Variants in CLEC12B observed in about 807,000 individuals in gnomAD.
CLEC12B encodes the protein macrophage antigen h.
CLEC12B carries 25 observed loss-of-function variants against 36.1 expected under a neutral mutation model. The ratio of observed to expected loss-of-function variants is 0.69; its 90% CI spans 0.50 to 0.97. The LOEUF is 0.97. Among genes scored for constraint, CLEC12B ranks in the 50% least tolerant of loss-of-function variants. The pLI is 0.00. For synonymous variants in CLEC12B, 110 were observed against 108.5 expected, an observed-to-expected ratio of 1.01 and a Z score of -0.09; for missense variants, 325 against 318.4, an observed-to-expected ratio of 1.02 and a Z score of -0.16.
rs1157458499 is a variant in CLEC12B, at chr12:10,014,522, G to A, written c.191-1G>A. ...AACTTGTCTCCTGTCATGTCTTGGA[G>A]TTTTGCAGATATCTAATGACATTAA... On this transcript the variant is annotated splice_acceptor_variant, in intron 2 of 5. Transcript: ENST00000338896. LOFTEE classifies it high-confidence loss of function. 6.2e-7 allele frequency: 1 copy of A among 1,609,310 alleles called. No homozygotes were observed. Among genetic ancestry groups the A allele is most frequent in the Admixed American group, 1.7e-5 (1 of 59,904 alleles).
At chr12:10,007,901 G>A (rs1865249977), upstream of CLEC12B, among the ~76,000 whole-genome samples, 1 of 152,214 alleles carries the variant, frequency 6.6e-6, no homozygotes, top group Non-Finnish European at 1.5e-5. Flanking sequence ...TAGGAAATGA[G>A]ACATGAGGGA....
chr12:10,007,040 G>C (rs1052408945), upstream of CLEC12B, among the ~76,000 whole-genome samples: 5 of 151,550 alleles, frequency 3.3e-5, no homozygotes, highest in African/African-American at 1.2e-4. Flanking sequence ...GGGCAACAGA[G>C]CTAGACTCTG....
chr12:10,010,655 G>T lies in CLEC12B; in HGVS notation c.-105G>T. On this transcript the variant is annotated 5_prime_UTR_variant, in exon 1 of 6. Coordinates refer to ENST00000338896, the MANE Select transcript of CLEC12B (RefSeq NM_001129998.3). ...GCAGTAGAGTGTGTCTGGGTCAGCT[G>T]AGTGACTACATCAAAGCTCCCAGCC... 1 of 662,868 alleles carries T rather than the reference G, an allele frequency of 1.5e-6. No homozygotes were observed. The highest frequency in any genetic ancestry group is 2.7e-6 in the Non-Finnish European group (1 of 375,864). 41.1% of individuals were successfully genotyped at this position (662,868 alleles called of 1,614,324 possible).
chr12:10,012,958 T>G (rs1370197609), intron 2 of CLEC12B, 75 bp downstream of exon 2: 1 of 1,035,540 alleles, frequency 9.7e-7, no homozygotes, highest in South Asian at 1.3e-5. Context: ...CAGCTTGGAT[T>G]GTAGATGGGT....
In CLEC12B at chr12:10,018,436, T is replaced by G; in HGVS notation, c.786T>G (p.Ile262Met). The change falls in exon 6 of 6, where the codon ATT becomes ATG. Residue 262 changes from isoleucine (I) to methionine (M), a missense_variant. Coordinates refer to ENST00000338896, the MANE Select transcript of CLEC12B (RefSeq NM_001129998.3). ...ISRCSAEIFW[I>M]CEKTAAPVKT... ...GCTGTAGTGCTGAAATTTTTTGGAT[T>G]TGCGAGAAGACAGCTGCCCCAGTGA... The G allele has an allele frequency of 6.4e-7, 1 of 1,551,106 alleles. No homozygotes were observed. The highest frequency in any genetic ancestry group is 8.7e-7 in the Non-Finnish European group (1 of 1,146,708).
intron 5 of CLEC12B, 190 bp downstream of exon 5, chr12:10,015,917 C>G (rs938333507): frequency 5.7e-6 from 8 of 1,392,318 alleles, no homozygotes; most frequent in Non-Finnish European, 7.4e-6. Flanking sequence ...TAGCAAGGCA[C>G]TGAATTTTAT....
At position 10,012,886 on chromosome 12, in the gene CLEC12B, A is replaced by T; in HGVS notation, c.190+3A>T. 2 of 1,597,844 alleles carry T rather than the reference A, an allele frequency of 1.3e-6. No individual in the cohort carries two copies. Among genetic ancestry groups the T allele is most frequent in the Non-Finnish European group, 1.7e-6 (2 of 1,165,250 alleles). Reference sequence around the variant, plus strand: ...GCTGGTGACATTGGGGATGATGTGTAAGTATATCAGCATCAAACCCAACAA... The same window carrying T: ...GCTGGTGACATTGGGGATGATGTGTTAGTATATCAGCATCAAACCCAACAA... On this transcript the variant is annotated splice_donor_region_variant and intron_variant, in intron 2 of 5. Transcript: ENST00000338896.
At chr12:10,017,458 C>T in intron 5 of CLEC12B, 3 of 985,334 alleles carry the variant, frequency 3.0e-6, no homozygotes, top group Non-Finnish European at 3.6e-6. Context: ...CATTCTTGGC[C>T]TCTCTACTCA....
At chr12:10,015,809 T>C in intron 5 of CLEC12B, 82 bp downstream of exon 5, 2 of 1,594,382 alleles carry the variant, frequency 1.3e-6, no homozygotes, top group East Asian at 2.2e-5. Flanking sequence ...GAATTATAAA[T>C]ACAGACATAA....
chr12:10,017,840 A>G, intron 5 of CLEC12B: 3 of 967,184 alleles, frequency 3.1e-6, no homozygotes, highest in Non-Finnish European at 3.7e-6. Context: ...TATATAGTCA[A>G]TCATTTCCTC....
chr12:10,017,834 T>G (rs1424147162), intron 5 of CLEC12B: 6 of 961,940 alleles, frequency 6.2e-6, no homozygotes, highest in Middle Eastern at 5.3e-4. Context: ...CATATCTATA[T>G]AGTCAATCAT....
At chr12:10,017,816 G>A in intron 5 of CLEC12B, 3 of 947,322 alleles carry the variant, frequency 3.2e-6, no homozygotes, top group Non-Finnish European at 3.8e-6. Context: ...GAATACTATT[G>A]TCAGAACCAT....
chr12:10,011,158 CT>C (rs1033236270), intron 1 of CLEC12B, among the ~76,000 whole-genome samples: 35 of 152,064 alleles, frequency 2.3e-4, no homozygotes, highest in African/African-American at 8.2e-4. Flanking sequence ...ATATTTATAC[CT>C]TGTTAGAGAT....
chr12:10,006,485 A>C (rs1865227957), upstream of CLEC12B, among the ~76,000 whole-genome samples: 2 of 150,400 alleles, frequency 1.3e-5, no homozygotes, highest in South Asian at 4.2e-4. Context: ...AAGAAGACCA[A>C]GAATTGAACT....
At chr12:10,015,952 A>AACAC in intron 5 of CLEC12B, 1 of 1,343,052 alleles carries the variant, frequency 7.4e-7, no homozygotes, top group Non-Finnish European at 9.6e-7. Flanking sequence ...GTGTTTATTT[A>AACAC]ACACACACAC....
At position 10,014,746 on chromosome 12, in the gene CLEC12B, T is replaced by C. The variant is rs368214138; in HGVS notation, c.409+5T>C. 18 of 1,603,564 alleles carry C rather than the reference T, an allele frequency of 1.1e-5. No homozygotes were observed. In the African/African-American group the frequency reaches 2.1e-4, roughly 19 times the overall value. Reference sequence around the variant, plus strand: ...AGCTAATCATTCATACTTCAGGTAATCAGACTTAGTCCTGCTGACCAGTCA... The same window carrying C: ...AGCTAATCATTCATACTTCAGGTAACCAGACTTAGTCCTGCTGACCAGTCA... On this transcript the variant is annotated splice_donor_5th_base_variant and intron_variant, in intron 3 of 5. Coordinates refer to ENST00000338896, the MANE Select transcript of CLEC12B (RefSeq NM_001129998.3).
Sources: allele counts gnomAD v4.1 joint callset (sites outside exome capture counted in the v4.1 genomes callset), GRCh38; gene constraint gnomAD v4.1.1; transcripts MANE v1.5; gene names NCBI Gene and HGNC (gene_info 2026-07-23, HGNC 2026-07-21).